ST7: variants seen among roughly 807,000 people sequenced by gnomAD.
ST7 encodes suppressor of tumorigenicity 7 protein.
In ST7, 28 loss-of-function variants were observed where a neutral mutation model predicts 78.7. That is an observed-to-expected ratio of 0.36 (90% confidence interval 0.26 to 0.49). The LOEUF (loss-of-function observed/expected upper bound fraction) is 0.49. ST7 is among the 20% of genes least tolerant of loss of function. The pLI is 0.99. For synonymous variants in ST7, 247 were observed against 249.6 expected (o/e 0.99, Z 0.10); for missense variants, 418 against 696.0 (o/e 0.60, Z 4.49).
At chr7:117,051,154 G>C (rs1375445077) in intron 1 of ST7, among the ~76,000 whole-genome samples, 1 of 152,164 alleles carries the variant, frequency 6.6e-6, no homozygotes, top group East Asian at 1.9e-4. Flanking sequence ...AAAACTTACT[G>C]TGTTTAACTG....
At chr7:117,045,482 C>T (rs754245465) in intron 1 of ST7, among the ~76,000 whole-genome samples, 2 of 152,126 alleles carry the variant, frequency 1.3e-5, no homozygotes, top group Non-Finnish European at 2.9e-5. Flanking sequence ...ATGGCTCACT[C>T]CCTTATTTCT....
At chr7:117,111,511 C>G (rs1802426215) in intron 2 of ST7, among the ~76,000 whole-genome samples, 1 of 152,176 alleles carries the variant, frequency 6.6e-6, no homozygotes, top group East Asian at 1.9e-4. Context: ...ATACAATGTA[C>G]TTAAAAATAA....
At chr7:117,085,872 G>A (rs1244949827) in intron 1 of ST7, among the ~76,000 whole-genome samples, 3 of 151,954 alleles carry the variant, frequency 2.0e-5, no homozygotes, top group African/African-American at 7.3e-5. Context: ...TTATAAATTA[G>A]TGCCATTCCA....
chr7:116,963,582 C>T (rs1397919702), intron 1 of ST7, among the ~76,000 whole-genome samples: 3 of 151,430 alleles, frequency 2.0e-5, no homozygotes, highest in Non-Finnish European at 4.4e-5. Context: ...TGAAAGTGCA[C>T]TGGTTACACT....
chr7:117,004,816 G>A (rs1010827230), intron 1 of ST7, among the ~76,000 whole-genome samples: 5 of 152,068 alleles, frequency 3.3e-5, no homozygotes, highest in African/African-American at 1.2e-4. Context: ...TAGCAATGAT[G>A]ACAAAGATAA....
chr7:117,013,056 T>G (rs1433137204), intron 1 of ST7, among the ~76,000 whole-genome samples: 1 of 152,236 alleles, frequency 6.6e-6, no homozygotes, highest in Non-Finnish European at 1.5e-5. Flanking sequence ...TAAAAAGTCT[T>G]AAAATAATGC....
At chr7:116,991,927 A>G (rs1794450372) in intron 1 of ST7, among the ~76,000 whole-genome samples, 1 of 152,182 alleles carries the variant, frequency 6.6e-6, no homozygotes, top group Admixed American at 6.5e-5. Flanking sequence ...GGGCCCAACC[A>G]AGTCTAAAAT....
chr7:117,144,034 A>C (rs1243079500), intron 9 of ST7: 1 of 152,222 alleles, frequency 6.6e-6, no homozygotes, highest in Non-Finnish European at 1.5e-5. Flanking sequence ...AAAACTGAGA[A>C]ATTTGAAAAG....
chr7:116,996,742 A>G (rs1794678376), intron 1 of ST7, among the ~76,000 whole-genome samples: 1 of 152,198 alleles, frequency 6.6e-6, no homozygotes, highest in Non-Finnish European at 1.5e-5. Context: ...TTGCCAAAGT[A>G]GGTGATAAAA....
intron 1 of ST7, among the ~76,000 whole-genome samples, chr7:117,040,398 A>G (rs2116281619): frequency 6.6e-6 from 1 of 152,158 alleles, no homozygotes; most frequent in East Asian, 1.9e-4. Context: ...AGAAACATTC[A>G]CTAAATTTTA....
chr7:116,988,799 G>A (rs1222774047), intron 1 of ST7, among the ~76,000 whole-genome samples: 1 of 152,204 alleles, frequency 6.6e-6, no homozygotes, highest in Non-Finnish European at 1.5e-5. Flanking sequence ...TATCCAACTT[G>A]CCTCAGACTG....
chr7:117,033,788 A>G (rs1471347118), intron 1 of ST7, among the ~76,000 whole-genome samples: 2 of 152,104 alleles, frequency 1.3e-5, no homozygotes, highest in Admixed American at 6.6e-5. Context: ...TCTGGTTTAC[A>G]TGCTCTGGAG....
intron 1 of ST7, among the ~76,000 whole-genome samples, chr7:117,033,719 G>C (rs962338737): frequency 6.6e-6 from 1 of 151,940 alleles, no homozygotes; most frequent in Non-Finnish European, 1.5e-5. Flanking sequence ...CCAGCACGCC[G>C]AGCCTCATCC....
chr7:117,173,891 T>C (rs1173060750), intron 10 of ST7, among the ~76,000 whole-genome samples: 1 of 152,150 alleles, frequency 6.6e-6, no homozygotes, highest in Non-Finnish European at 1.5e-5. Context: ...TTCAAAAAGA[T>C]TTAGAAAAAT....
At chr7:117,177,014 G>A (rs997560358) in intron 10 of ST7, among the ~76,000 whole-genome samples, 5 of 152,300 alleles carry the variant, frequency 3.3e-5, no homozygotes, top group Middle Eastern at 3.4e-3. Context: ...AAAGATGGGC[G>A]AATGAACCAC....
chr7:117,198,962 T>C (rs1810562838), intron 12 of ST7: 1 of 152,140 alleles, frequency 6.6e-6, no homozygotes, highest in Admixed American at 6.6e-5. Flanking sequence ...AAACCCATCA[T>C]CATTGACTCC....
chr7:117,080,520 T>C (rs1163441665), intron 1 of ST7, among the ~76,000 whole-genome samples: 4 of 152,190 alleles, frequency 2.6e-5, no homozygotes, highest in Non-Finnish European at 4.4e-5. Context: ...TTTATAGATA[T>C]ATTTTTGCTG....
chr7:117,094,139 C>G (rs1800847759), intron 1 of ST7, among the ~76,000 whole-genome samples: 1 of 152,166 alleles, frequency 6.6e-6, no homozygotes, highest in African/African-American at 2.4e-5. Context: ...ACTAGCCATT[C>G]ACTACTAGTC....
At chr7:117,106,946 G>A (rs778817262) in intron 2 of ST7, among the ~76,000 whole-genome samples, 1 of 151,086 alleles carries the variant, frequency 6.6e-6, no homozygotes, top group African/African-American at 2.4e-5. Context: ...ATGCCTTTGC[G>A]TCCTCATAGT....
Sources: gnomAD v4.1 joint callset for allele counts (sites outside exome capture counted in the v4.1 genomes callset) on GRCh38, gnomAD v4.1.1 for gene constraint, MANE v1.5 for transcripts, NCBI Gene and HGNC (gene_info 2026-07-23, HGNC 2026-07-21) for gene names.